ZNF407: variants seen among roughly 807,000 people sequenced by gnomAD.
The protein encoded by ZNF407 is zinc finger protein 407.
ZNF407 carries 17 observed loss-of-function variants against 131.2 expected under a neutral mutation model. That is an observed-to-expected ratio of 0.13 (90% confidence interval 0.09 to 0.19). ZNF407 has a LOEUF of 0.19. ZNF407 is among the 10% of genes least tolerant of loss of function. The pLI, the probability that ZNF407 is intolerant of heterozygous loss-of-function variation, is 1.00. For missense variants in ZNF407, 2,681 were observed against 2,830.6 expected (o/e 0.95, Z 1.20); for synonymous variants, 1,156 against 1,062.0 (o/e 1.09, Z -1.72).
At chr18:74,762,990 G>A (rs1969131457) in intron 3 of ZNF407, among the ~76,000 whole-genome samples, 1 of 151,986 alleles carries the variant, frequency 6.6e-6, no homozygotes, top group African/African-American at 2.4e-5. Context: ...TTTTAGGATA[G>A]CTGTATGTTT....
At chr18:74,902,293 C>T (rs1029545755) in intron 7 of ZNF407, among the ~76,000 whole-genome samples, 3 of 152,232 alleles carry the variant, frequency 2.0e-5, no homozygotes, top group African/African-American at 4.8e-5. Context: ...GACATAATTA[C>T]AACCTGCGCA....
chr18:74,701,074 C>T (rs146264356), intron 3 of ZNF407, among the ~76,000 whole-genome samples: 138 of 152,240 alleles, frequency 9.1e-4, no homozygotes, highest in Non-Finnish European at 1.4e-3. Flanking sequence ...TCTCCTCCTC[C>T]GCATGCACAC....
rs1397400446 is a variant in ZNF407, at chr18:74,632,426, A to G, written c.1407A>G (p.Lys469=). 1 of 1,614,044 alleles carries G rather than the reference A, an allele frequency of 6.2e-7. No homozygotes were observed. Among genetic ancestry groups the G allele is most frequent in the Non-Finnish European group, 8.5e-7 (1 of 1,179,898 alleles). Residue 469 remains lysine (K), a synonymous_variant, in exon 2 of 9, where the codon AAA becomes AAG. Coordinates refer to ENST00000299687, the MANE Select transcript of ZNF407 (RefSeq NM_017757.3). The stretch of plus-strand genomic sequence containing the variant: ...TGAAACACTTGAGAACACAGATGAA[A>G]ACACACGATGCAGAATCAGTGCTGA... ...MYMKHLRTQM[K]THDAESVLKH...
Position 74,631,648 on chromosome 18 carries a change from A to G in ZNF407, c.629A>G (p.Gln210Arg), listed in dbSNP as rs1375480875. The G allele has an allele frequency of 1.9e-6, 3 of 1,613,992 alleles. No homozygotes were observed. The highest frequency in any genetic ancestry group is 4.5e-5 in the East Asian group (2 of 44,888). The stretch of plus-strand genomic sequence containing the variant: ...GAAAAACATGCTGAGTCTCACATGC[A>G]GCAGCCTAAGGAACATACCTGTTGT... Reference protein sequence around the residue: ...DLEKHAESHMQQPKEHTCCHC... With the variant: ...DLEKHAESHMRQPKEHTCCHC... Residue 210 changes from glutamine (Q) to arginine (R), a missense_variant, in exon 2 of 9, where the codon CAG becomes CGG. This residue lies in a region of ZNF407 where 1,789 missense variants were observed against 1,748.7 expected (regional missense o/e 1.02). Transcript: ENST00000299687.
At chr18:75,008,882 T>G (rs1331135611) in intron 8 of ZNF407, among the ~76,000 whole-genome samples, 3 of 152,222 alleles carry the variant, frequency 2.0e-5, no homozygotes, top group Non-Finnish European at 4.4e-5. Flanking sequence ...GTGCATCTAG[T>G]GAATAGTTCA....
At chr18:74,647,011 A>G (rs1029993385) in intron 3 of ZNF407, among the ~76,000 whole-genome samples, 14 of 152,122 alleles carry the variant, frequency 9.2e-5, no homozygotes, top group Non-Finnish European at 1.5e-4. Flanking sequence ...AAATATTATC[A>G]TTTCTTGGTG....
intron 7 of ZNF407, among the ~76,000 whole-genome samples, chr18:74,911,436 A>T (rs182039000): frequency 1.3e-5 from 2 of 152,366 alleles, no homozygotes; most frequent in East Asian, 3.9e-4. Context: ...TATATTTAAC[A>T]TTAAGCCAAC....
intron 8 of ZNF407, among the ~76,000 whole-genome samples, chr18:75,005,305 T>C (rs972671208): frequency 7.9e-5 from 12 of 152,282 alleles, no homozygotes; most frequent in African/African-American, 2.9e-4. Flanking sequence ...ATTTCGTTTC[T>C]GTTGCATTTC....
chr18:74,822,160 T>C (rs549876609), intron 4 of ZNF407, among the ~76,000 whole-genome samples: 1 of 152,244 alleles, frequency 6.6e-6, no homozygotes, highest in Non-Finnish European at 1.5e-5. Flanking sequence ...AGATTCTGGA[T>C]ATTAGCCCTC....
intron 3 of ZNF407, among the ~76,000 whole-genome samples, chr18:74,686,719 T>G (rs1225538828): frequency 6.6e-6 from 1 of 152,220 alleles, no homozygotes; most frequent in Non-Finnish European, 1.5e-5. Flanking sequence ...TAGTCATTAT[T>G]TTGTTATAGA....
chr18:74,723,020 G>A (rs912941425), intron 3 of ZNF407, among the ~76,000 whole-genome samples: 8 of 151,888 alleles, frequency 5.3e-5, no homozygotes, highest in Admixed American at 1.3e-4. Flanking sequence ...ATTTTTCTCC[G>A]TCTGTTCTTC....
At chr18:74,870,014 T>G (rs994235058) in intron 4 of ZNF407, among the ~76,000 whole-genome samples, 1 of 152,158 alleles carries the variant, frequency 6.6e-6, no homozygotes, top group African/African-American at 2.4e-5. Context: ...ATAGCAGAGA[T>G]TTTGAAAGAT....
intron 8 of ZNF407, among the ~76,000 whole-genome samples, chr18:75,045,716 T>TA (rs1050187547): frequency 1.3e-5 from 2 of 152,194 alleles, no homozygotes; most frequent in Non-Finnish European, 2.9e-5. Flanking sequence ...CTCTTCTTTT[T>TA]AAAAAATGGA....
At chr18:75,047,370 C>T (rs1045533563) in intron 8 of ZNF407, among the ~76,000 whole-genome samples, 9 of 152,188 alleles carry the variant, frequency 5.9e-5, no homozygotes, top group Non-Finnish European at 8.8e-5. Context: ...GGCTGCCGTA[C>T]GAGTGAGGGA....
Position 75,063,091 on chromosome 18 carries a change from C to G in ZNF407, c.5429-59C>G. 1 of 1,457,574 alleles carries G rather than the reference C, an allele frequency of 6.9e-7. No individual in the cohort carries two copies. Among genetic ancestry groups the G allele is most frequent in the Non-Finnish European group, 9.3e-7 (1 of 1,078,636 alleles). The allele number at this position is 1,457,574 out of a possible 1,614,324, so 90.3% of individuals were successfully genotyped here. A position where few individuals can be genotyped will look rare whatever the true frequency, so the allele number is the denominator to read the frequency against. On this transcript the variant is annotated intron_variant, in intron 8 of 8. Transcript: ENST00000299687. This position sits in a 1 kb window ranked among gnomAD's most constrained non-coding sequence, Gnocchi z 6.6. ...CTGAGCGCTTCTGCAGAAGAAGTGT[C>G]TTACTTGTAAGCCTACGAGTACTTT...
At chr18:74,725,916 T>C (rs1968146641) in intron 3 of ZNF407, among the ~76,000 whole-genome samples, 1 of 152,216 alleles carries the variant, frequency 6.6e-6, no homozygotes, top group Non-Finnish European at 1.5e-5. Context: ...ACATCCTTAT[T>C]GGATGTTGAT....
intron 4 of ZNF407, among the ~76,000 whole-genome samples, chr18:74,836,021 AAAAG>A: frequency 6.6e-6 from 1 of 152,236 alleles, no homozygotes; most frequent in East Asian, 1.9e-4. Context: ...AAAAAAAAAA[AAAAG>A]AGGCAGGAAA....
chr18:75,000,646 T>G lies in ZNF407; in HGVS notation c.5429-62504T>G, dbSNP rs1031227756. 5.3e-5 allele frequency among the ~76,000 whole-genome samples: 8 copies of G among 152,348 alleles called. No homozygotes were observed. The East Asian group carries it at 9.6e-4, about 18-fold the overall frequency. On this transcript the variant is annotated intron_variant, in intron 8 of 8. Coordinates refer to ENST00000299687, the MANE Select transcript of ZNF407 (RefSeq NM_017757.3). ...TAGCTATCTGGTTTAAGTTTTAAGA[T>G]AAAAGATGCATCTATTTTTAATCTT...
At chr18:74,994,240 A>G (rs935536015) in intron 8 of ZNF407, among the ~76,000 whole-genome samples, 1 of 143,608 alleles carries the variant, frequency 7.0e-6, no homozygotes, top group African/African-American at 2.7e-5. Context: ...CAAATGGCTC[A>G]TAAAAAAAAA....
Sources: gnomAD v4.1 joint callset for allele counts (sites outside exome capture counted in the v4.1 genomes callset) on GRCh38, gnomAD v4.1.1 for gene constraint, gnomAD v4.1.1 regional missense constraint, Gnocchi (gnomAD v3.1) non-coding constraint, MANE v1.5 for transcripts, NCBI Gene and HGNC (gene_info 2026-07-23, HGNC 2026-07-21) for gene names.